The following DLG2 variants were observed in gnomAD, a reference collection of about 807,000 sequenced individuals.
DLG2 encodes disks large homolog 2.
Under a neutral mutation model 132.5 loss-of-function variants are expected in DLG2, and 45 were observed. The ratio of observed to expected loss-of-function variants is 0.34; its 90% CI spans 0.27 to 0.44. The LOEUF (loss-of-function observed/expected upper bound fraction) is 0.44, where lower values mean the gene tolerates loss of function less well. Ranked by LOEUF, DLG2 falls within the 20% of genes least tolerant of loss-of-function variation. DLG2 has a pLI of 1.00. For synonymous variants in DLG2, 424 were observed against 419.6 expected, an observed-to-expected ratio of 1.01 and a Z score of -0.13; for missense variants, 1,045 against 1,196.9, an observed-to-expected ratio of 0.87 and a Z score of 1.87.
chr11:84,659,347 A>G (rs1024089250), intron 6 of DLG2, among the ~76,000 whole-genome samples: 1 of 152,042 alleles, frequency 6.6e-6, no homozygotes, highest in African/African-American at 2.4e-5. Flanking sequence ...TAGGTCTGCT[A>G]TAATGCCTTT....
intron 11 of DLG2, among the ~76,000 whole-genome samples, chr11:84,030,309 T>A (rs2095657083): frequency 6.6e-6 from 1 of 152,146 alleles, no homozygotes; most frequent in African/African-American, 2.4e-5. Context: ...CAAATTAACA[T>A]AAAATGGCAT....
At chr11:84,467,284 A>C (rs2099097051) in intron 7 of DLG2, among the ~76,000 whole-genome samples, 1 of 151,426 alleles carries the variant, frequency 6.6e-6, no homozygotes, top group Non-Finnish European at 1.5e-5. Context: ...TCATTATTAG[A>C]ATTGATTTTT....
At chr11:85,549,072 C>G (rs889914825) in intron 3 of DLG2, among the ~76,000 whole-genome samples, 1 of 152,096 alleles carries the variant, frequency 6.6e-6, no homozygotes, top group Non-Finnish European at 1.5e-5. Context: ...CAGAGTCCGC[C>G]AAAACAGCCG....
chr11:83,641,862 A>AGTGTGTGTGTGTGTGTGT (rs34754104), intron 18 of DLG2, among the ~76,000 whole-genome samples: 2 of 147,818 alleles, frequency 1.4e-5, no homozygotes, highest in African/African-American at 5.0e-5. Context: ...AGAGAGAGGG[A>AGTGTGTGTGTGTGTGTGT]GTGTGTGTGT....
chr11:83,484,280 C>A, intron 21 of DLG2, 52 bp from the exon 22 acceptor site: 2 of 1,298,090 alleles, frequency 1.5e-6, no homozygotes, highest in South Asian at 1.2e-5. Flanking sequence ...TAATTGTTGT[C>A]ACACTCATGC....
At chr11:84,685,551 G>T (rs1318548142) in intron 6 of DLG2, among the ~76,000 whole-genome samples, 1 of 152,146 alleles carries the variant, frequency 6.6e-6, no homozygotes, top group Non-Finnish European at 1.5e-5. Flanking sequence ...TTTTCCTGCA[G>T]CTCACTCCTG....
intron 6 of DLG2, among the ~76,000 whole-genome samples, chr11:84,954,639 T>C (rs1245591072): frequency 2.0e-5 from 3 of 152,168 alleles, no homozygotes; most frequent in African/African-American, 7.2e-5. Flanking sequence ...CCATCAGACA[T>C]TGGTGTAGTC....
intron 6 of DLG2, among the ~76,000 whole-genome samples, chr11:84,706,316 G>C (rs768961327): frequency 1.3e-5 from 2 of 151,832 alleles, no homozygotes; most frequent in Non-Finnish European, 2.9e-5. Flanking sequence ...ACTATACAGA[G>C]AGTGCTTTGG....
At chr11:83,761,497 A>T (rs1237619978) in intron 18 of DLG2, among the ~76,000 whole-genome samples, 1 of 152,206 alleles carries the variant, frequency 6.6e-6, no homozygotes, top group East Asian at 1.9e-4. Context: ...TCTCTGAAAC[A>T]AATGCACCCT....
intron 11 of DLG2, 137 bp from the exon 12 acceptor site, chr11:83,980,779 A>T (rs1484138343): frequency 5.9e-6 from 5 of 845,970 alleles, no homozygotes; most frequent in Non-Finnish European, 8.6e-6. Context: ...AACACTAAAA[A>T]CTGTATTTCA....
At chr11:84,444,994 G>A (rs1019316284) in intron 7 of DLG2, among the ~76,000 whole-genome samples, 1 of 151,962 alleles carries the variant, frequency 6.6e-6, no homozygotes, top group Admixed American at 6.6e-5. Flanking sequence ...GTAGAGACAG[G>A]GTTCCATTAT....
Position 84,742,072 on chromosome 11 carries a change from A to G in DLG2, c.358-207341T>C, listed in dbSNP as rs78112651. ...CAAAATACTAGACCAAGCAGAAGAA[A>G]CATTTTCTCAACTTGAAGATAGGTC... On this transcript the variant is annotated intron_variant, in intron 6 of 27. Coordinates refer to ENST00000376104, the MANE Select transcript of DLG2 (RefSeq NM_001142699.3). Among the ~76,000 whole-genome samples, 1,187 of 152,164 alleles carry G rather than the reference A, an allele frequency of 7.8e-3. 5 individuals are homozygous for G. The highest frequency in any genetic ancestry group is 0.012 in the Non-Finnish European group (797 of 67,998).
chr11:85,579,306 G>A (rs747478401), intron 3 of DLG2, among the ~76,000 whole-genome samples: 1 of 152,050 alleles, frequency 6.6e-6, no homozygotes, highest in Non-Finnish European at 1.5e-5. Flanking sequence ...CCCAGGTGAT[G>A]AAATAATCTG....
intron 6 of DLG2, among the ~76,000 whole-genome samples, chr11:85,081,381 C>A (rs952721894): frequency 1.3e-5 from 2 of 152,072 alleles, no homozygotes; most frequent in African/African-American, 2.4e-5. Flanking sequence ...AAAACAATAC[C>A]GCAAAGTGAA....
intron 5 of DLG2, among the ~76,000 whole-genome samples, chr11:85,122,632 G>A (rs1469201701): frequency 6.6e-6 from 1 of 151,860 alleles, no homozygotes; most frequent in Non-Finnish European, 1.5e-5. Context: ...ATCAATTATC[G>A]ATCTTATGAA....
chr11:85,123,940 A>T (rs2074750363), intron 5 of DLG2, among the ~76,000 whole-genome samples: 1 of 152,244 alleles, frequency 6.6e-6, no homozygotes, highest in South Asian at 2.1e-4. Context: ...CCTGCAAAGT[A>T]TTATTCACTG....
chr11:85,376,199 G>T (rs1472642302), intron 3 of DLG2, among the ~76,000 whole-genome samples: 1 of 152,178 alleles, frequency 6.6e-6, no homozygotes, highest in Non-Finnish European at 1.5e-5. Flanking sequence ...TTGTAGAGAT[G>T]CAAATTGTTA....
At chr11:84,609,188 C>T (rs2099590988) in intron 6 of DLG2, among the ~76,000 whole-genome samples, 1 of 152,176 alleles carries the variant, frequency 6.6e-6, no homozygotes, top group Non-Finnish European at 1.5e-5. Context: ...TTCAATCCTG[C>T]ATTCTGATCT....
At chr11:84,200,472 C>T (rs2096577598) in intron 8 of DLG2, among the ~76,000 whole-genome samples, 1 of 151,912 alleles carries the variant, frequency 6.6e-6, no homozygotes, top group Non-Finnish European at 1.5e-5. Context: ...TGTAAATATC[C>T]AAGACTTTTG....
Sources: allele counts gnomAD v4.1 joint callset (sites outside exome capture counted in the v4.1 genomes callset), GRCh38; gene constraint gnomAD v4.1.1; transcripts MANE v1.5; gene names NCBI Gene and HGNC (gene_info 2026-07-23, HGNC 2026-07-21).